The following PCDH11X variants were observed in gnomAD, a reference collection of about 807,000 sequenced individuals.
PCDH11X encodes the protein protocadherin-11 X-linked.
A neutral mutation model predicts 53.3 loss-of-function variants in PCDH11X; 18 were observed. The ratio of observed to expected loss-of-function variants is 0.34; its 90% CI spans 0.23 to 0.50. PCDH11X has a LOEUF of 0.50. Among genes scored for constraint, PCDH11X ranks in the 20% least tolerant of loss-of-function variants. The pLI is 0.98. For synonymous variants in PCDH11X, 279 were observed against 393.3 expected, an observed-to-expected ratio of 0.71 and a Z score of 3.44; for missense variants, 570 against 1,032.4, an observed-to-expected ratio of 0.55 and a Z score of 6.14.
At chrX:91,999,157 C>T (rs1309181506) in intron 6 of PCDH11X, among the ~76,000 whole-genome samples, 1 of 110,681 alleles carries the variant, frequency 9.0e-6, no homozygotes, top group Non-Finnish European at 1.9e-5. Flanking sequence ...TCAAGTGATC[C>T]TCCTGCCTCA....
intron 6 of PCDH11X, among the ~76,000 whole-genome samples, chrX:92,077,231 A>AT (rs201633098): frequency 9.2e-6 from 1 of 108,792 alleles, no homozygotes; most frequent in Non-Finnish European, 1.9e-5. Flanking sequence ...AGGTAACCTG[A>AT]TTTTTTTTTC....
intron 6 of PCDH11X, among the ~76,000 whole-genome samples, chrX:91,885,394 G>C (rs922273262): frequency 9.0e-6 from 1 of 111,245 alleles, no homozygotes; most frequent in Non-Finnish European, 1.9e-5. Context: ...CAGGTAGCAA[G>C]ATATACCTAG....
chrX:92,398,183 A>T (rs1220903200), intron 9 of PCDH11X, among the ~76,000 whole-genome samples: 1 of 111,695 alleles, frequency 9.0e-6, no homozygotes, highest in Non-Finnish European at 1.9e-5. Flanking sequence ...ATACCCATGT[A>T]ACTTTGGCAA....
At chrX:92,497,657 AATG>A (rs1202740443) in intron 10 of PCDH11X, among the ~76,000 whole-genome samples, 1 of 111,667 alleles carries the variant, frequency 9.0e-6, no homozygotes, top group African/African-American at 3.2e-5. Flanking sequence ...TCTACAATCA[AATG>A]ATAAATCCTT....
chrX:91,951,057 T>C (rs1180663296), intron 6 of PCDH11X, among the ~76,000 whole-genome samples: 4 of 111,399 alleles, frequency 3.6e-5, no homozygotes, highest in Non-Finnish European at 7.6e-5. Flanking sequence ...CTGTATCCTA[T>C]GTATTAGCAA....
chrX:91,998,500 G>GC (rs1283145659), intron 6 of PCDH11X, among the ~76,000 whole-genome samples: 4 of 36,532 alleles, frequency 1.1e-4, no homozygotes, highest in Non-Finnish European at 1.4e-4. Flanking sequence ...GTTTATCTTT[G>GC]CAAAAAAAAA....
At chrX:92,396,727 C>A (rs34048229) in intron 9 of PCDH11X, among the ~76,000 whole-genome samples, 19,373 of 99,580 alleles carry the variant, frequency 0.19, 1,536 homozygotes, top group Non-Finnish European at 0.22. Flanking sequence ...CCTGTAATCC[C>A]AGCTACTTGG....
chrX:92,304,132 T>A (rs1326729835), intron 8 of PCDH11X, among the ~76,000 whole-genome samples: 1 of 106,028 alleles, frequency 9.4e-6, no homozygotes, highest in Admixed American at 1.0e-4. Context: ...TCAACCTATG[T>A]GGATGGTATT....
At chrX:92,090,039 T>C (rs2064024042) in intron 6 of PCDH11X, among the ~76,000 whole-genome samples, 1 of 109,777 alleles carries the variant, frequency 9.1e-6, no homozygotes, top group African/African-American at 3.3e-5. Context: ...CCTACTTCAT[T>C]TAACTTTTCT....
At chrX:91,803,574 T>A (rs969287159) in intron 1 of PCDH11X, among the ~76,000 whole-genome samples, 3 of 111,588 alleles carry the variant, frequency 2.7e-5, no homozygotes, top group African/African-American at 9.7e-5. Context: ...CAAATTTTAG[T>A]TGTATACCTT....
intron 7 of PCDH11X, among the ~76,000 whole-genome samples, chrX:92,213,356 T>A (rs775515710): frequency 9.0e-6 from 1 of 111,709 alleles, no homozygotes; most frequent in Non-Finnish European, 1.9e-5. Flanking sequence ...ATTTATTCAG[T>A]CCTTATAGCA....
At chrX:92,142,226 G>A (rs1304884422) in intron 6 of PCDH11X, among the ~76,000 whole-genome samples, 10 of 106,956 alleles carry the variant, frequency 9.3e-5, no homozygotes, top group Non-Finnish European at 1.2e-4. Flanking sequence ...GAGCAATCTC[G>A]GCTCACTGCA....
At chrX:92,277,411 C>T (rs993617130) in intron 8 of PCDH11X, among the ~76,000 whole-genome samples, 4 of 110,795 alleles carry the variant, frequency 3.6e-5, no homozygotes, top group African/African-American at 1.3e-4. Flanking sequence ...GAAAATAAGA[C>T]ATTTAGGTTT....
chrX:92,528,302 A>AT (rs1569500730), intron 10 of PCDH11X, among the ~76,000 whole-genome samples: 1 of 111,778 alleles, frequency 8.9e-6, no homozygotes, highest in East Asian at 2.8e-4. Flanking sequence ...TTATTTATTT[A>AT]TTTTTTTGAG....
intron 6 of PCDH11X, among the ~76,000 whole-genome samples, chrX:92,085,532 AC>A (rs1383030287): frequency 9.6e-6 from 1 of 103,933 alleles, no homozygotes; most frequent in African/African-American, 3.6e-5. Context: ...GTGTTTTTTC[AC>A]CCTGGAATTC....
chrX:92,098,196 G>A (rs1253017121), intron 6 of PCDH11X, among the ~76,000 whole-genome samples: 1 of 110,695 alleles, frequency 9.0e-6, no homozygotes, highest in Non-Finnish European at 1.9e-5. Flanking sequence ...TTGCACCAGT[G>A]TTTCCTGGCC....
At chrX:92,415,315 A>G (rs2071785104) in intron 9 of PCDH11X, among the ~76,000 whole-genome samples, 1 of 111,627 alleles carries the variant, frequency 9.0e-6, no homozygotes, top group South Asian at 3.7e-4. Flanking sequence ...ATGGGTGAAT[A>G]TATGTGTGCC....
chrX:92,576,527 G>T (rs1239470220), intron 10 of PCDH11X, among the ~76,000 whole-genome samples: 1 of 96,171 alleles, frequency 1.0e-5, no homozygotes, highest in Non-Finnish European at 2.1e-5. Flanking sequence ...GATTTTCTCT[G>T]GTGACACAAA....
At chrX:92,009,492 C>G (rs1294456) in intron 6 of PCDH11X, among the ~76,000 whole-genome samples, 28,143 of 109,740 alleles carry the variant, frequency 0.26, 2,825 homozygotes, top group Middle Eastern at 0.33. Flanking sequence ...CATTATCATG[C>G]TGTATTACAA....
Sources: allele counts gnomAD v4.1 joint callset (sites outside exome capture counted in the v4.1 genomes callset), GRCh38; gene constraint gnomAD v4.1.1; transcripts MANE v1.5; gene names NCBI Gene and HGNC (gene_info 2026-07-23, HGNC 2026-07-21).